The following RBFOX1 variants were observed in gnomAD, a reference collection of about 807,000 sequenced individuals.
The protein encoded by RBFOX1 is RNA binding fox-1 homolog 1.
In RBFOX1, 8 loss-of-function variants were observed where a neutral mutation model predicts 57.7. The ratio of observed to expected loss-of-function variants is 0.14; its 90% confidence interval spans 0.08 to 0.25. The LOEUF (loss-of-function observed/expected upper bound fraction) is 0.25. RBFOX1 is among the 10% of genes least tolerant of loss of function. The probability of loss-of-function intolerance (pLI) is 1.00; values close to 1 mark genes in which losing one functional copy is unlikely to be tolerated. For missense variants in RBFOX1, 611 were observed against 548.5 expected, an observed-to-expected ratio of 1.11 and a Z score of -1.14; for synonymous variants, 326 against 222.4, an observed-to-expected ratio of 1.47 and a Z score of -4.15.
intron 3 of RBFOX1, among the ~76,000 whole-genome samples, chr16:5,832,572 C>G (rs1377609105): frequency 6.6e-6 from 1 of 152,214 alleles, no homozygotes; most frequent in Non-Finnish European, 1.5e-5. Flanking sequence ...TGTTAGCTGT[C>G]ACTGTTAGGC....
chr16:6,376,790 T>G (rs147442021), intron 2 of RBFOX1, among the ~76,000 whole-genome samples: 1 of 152,160 alleles, frequency 6.6e-6, no homozygotes, highest in Non-Finnish European at 1.5e-5. Flanking sequence ...AATCGGGGTA[T>G]TAGCAGCGCC....
In RBFOX1 at chr16:5,258,830, C is replaced by A. The variant is rs546498535; in HGVS notation, c.219+18725C>A. The stretch of plus-strand genomic sequence containing the variant: ...ACTCGGGAGGCTGAGGCAGGAGAAT[C>A]TCTTGAAGCCGGGAGGTGGAAGTTG... On this transcript the variant is annotated intron_variant, in intron 1 of 2. Coordinates refer to the RBFOX1 transcript ENST00000585867. Among the ~76,000 whole-genome samples the A allele has an allele frequency of 1.6e-4, 25 of 152,128 alleles. No homozygotes were observed. In the South Asian group the frequency reaches 4.8e-3, roughly 29 times the overall value.
rs562265203 is a variant in RBFOX1 at position 7,288,813 on chromosome 16, C to T, written c.28-229334C>T. ...CTGAGAGGGCACCACTGCACTCCAG[C>T]CTGCGCGATAAAGCAAGGCTCCATC... On this transcript the variant is annotated intron_variant, in intron 4 of 15. Transcript: ENST00000550418. 2.6e-5 allele frequency among the ~76,000 whole-genome samples: 4 copies of T among 152,294 alleles called. No individual in the cohort carries two copies. In the South Asian group the frequency reaches 6.2e-4, roughly 24 times the overall value.
intron 10 of RBFOX1, 53 bp from the exon 11 acceptor site, chr16:7,630,550 G>C (rs990350272): frequency 1.9e-6 from 3 of 1,609,242 alleles, no homozygotes; most frequent in Admixed American, 1.7e-5. Context: ...TGATCTCTCA[G>C]GTGTAGTGTA....
intron 2 of RBFOX1, among the ~76,000 whole-genome samples, chr16:6,570,511 A>G (rs940867395): frequency 6.6e-6 from 1 of 152,198 alleles, no homozygotes; most frequent in African/African-American, 2.4e-5. Flanking sequence ...ATATATATAC[A>G]CACATACATA....
chr16:5,677,516 A>G (rs1436196052), intron 3 of RBFOX1, among the ~76,000 whole-genome samples: 1 of 152,190 alleles, frequency 6.6e-6, no homozygotes, highest in East Asian at 1.9e-4. Flanking sequence ...TGCCTCCCTC[A>G]TGTTGCTTTG....
intron 2 of RBFOX1, among the ~76,000 whole-genome samples, chr16:6,645,880 C>T (rs8051334): frequency 6.6e-6 from 1 of 152,102 alleles, no homozygotes; most frequent in Non-Finnish European, 1.5e-5. Context: ...GCTAAGCAAA[C>T]TCGGCCTCCT....
At chr16:7,536,664 A>G (rs2081547175) in intron 5 of RBFOX1, among the ~76,000 whole-genome samples, 1 of 152,226 alleles carries the variant, frequency 6.6e-6, no homozygotes, top group African/African-American at 2.4e-5. Flanking sequence ...CCTGGGTAGG[A>G]CAGACAGCAG....
intron 4 of RBFOX1, among the ~76,000 whole-genome samples, chr16:7,232,710 G>A (rs1343233909): frequency 6.6e-6 from 1 of 152,026 alleles, no homozygotes; most frequent in Admixed American, 6.5e-5. Context: ...GTGTGGTGGT[G>A]CATGCCTGTA....
At chr16:6,539,216 C>G (rs562310470) in intron 2 of RBFOX1, among the ~76,000 whole-genome samples, 36 of 152,206 alleles carry the variant, frequency 2.4e-4, no homozygotes, top group Non-Finnish European at 4.7e-4. Flanking sequence ...GATGGAGGCA[C>G]TTATAGGTTT....
chr16:7,434,602 C>T (rs1357443936), intron 4 of RBFOX1, among the ~76,000 whole-genome samples: 2 of 152,010 alleles, frequency 1.3e-5, no homozygotes, highest in Non-Finnish European at 2.9e-5. Context: ...CCTTTAGAAG[C>T]CCTAAGGGGA....
intron 2 of RBFOX1, among the ~76,000 whole-genome samples, chr16:6,423,642 C>T (rs548966439): frequency 1.3e-5 from 2 of 152,192 alleles, no homozygotes; most frequent in East Asian, 1.9e-4. Context: ...TCAAGTATGT[C>T]TTCCTACACA....
intron 14 of RBFOX1, among the ~76,000 whole-genome samples, chr16:7,688,538 C>T (rs1197716990): frequency 6.6e-6 from 1 of 151,932 alleles, no homozygotes; most frequent in Non-Finnish European, 1.5e-5. Context: ...AGGCTGGCTA[C>T]TGTTTTAATT....
chr16:6,250,022 T>C (rs1363796581), intron 1 of RBFOX1, among the ~76,000 whole-genome samples: 1 of 152,128 alleles, frequency 6.6e-6, no homozygotes, highest in Non-Finnish European at 1.5e-5. Flanking sequence ...AAGGAGGTTC[T>C]TGCAGCTGAC....
At chr16:6,226,712 A>G (rs898995180) in intron 1 of RBFOX1, among the ~76,000 whole-genome samples, 2 of 152,124 alleles carry the variant, frequency 1.3e-5, no homozygotes, top group Non-Finnish European at 2.9e-5. Flanking sequence ...GTTTTCCATT[A>G]TCTTGCTGGC....
At chr16:6,125,626 G>A (rs1168828786) in intron 1 of RBFOX1, among the ~76,000 whole-genome samples, 1 of 152,182 alleles carries the variant, frequency 6.6e-6, no homozygotes, top group East Asian at 1.9e-4. Context: ...CAGCCTCATT[G>A]TAGGTTCTGA....
chr16:6,941,304 T>TTCCC (rs2078448036), intron 3 of RBFOX1, among the ~76,000 whole-genome samples: 4 of 29,590 alleles, frequency 1.4e-4, no homozygotes, highest in Admixed American at 4.6e-4. Context: ...CCCTCCCTCC[T>TTCCC]TCCTTCCTTC....
At chr16:7,243,765 G>A (rs2094170470) in intron 4 of RBFOX1, among the ~76,000 whole-genome samples, 1 of 152,146 alleles carries the variant, frequency 6.6e-6, no homozygotes, top group Non-Finnish European at 1.5e-5. Flanking sequence ...TCCCAGACTG[G>A]TCTTGAACTT....
chr16:6,870,491 G>C (rs753602222), intron 3 of RBFOX1, among the ~76,000 whole-genome samples: 1 of 152,082 alleles, frequency 6.6e-6, no homozygotes, highest in South Asian at 2.1e-4. Context: ...GGATTTAAGA[G>C]CTTCATGATA....
Sources: allele counts gnomAD v4.1 joint callset (sites outside exome capture counted in the v4.1 genomes callset), GRCh38; gene constraint gnomAD v4.1.1; transcripts MANE v1.5; gene names NCBI Gene and HGNC (gene_info 2026-07-23, HGNC 2026-07-21).